ACER3: variants seen among roughly 807,000 people sequenced by gnomAD.
The protein encoded by ACER3 is alkCDase 3.
A neutral mutation model predicts 48.9 loss-of-function variants in ACER3; 16 were observed. The ratio of observed to expected loss-of-function variants is 0.33; its 90% CI spans 0.22 to 0.50. The LOEUF (loss-of-function observed/expected upper bound fraction) is 0.50. Among genes scored for constraint, ACER3 ranks in the 20% least tolerant of loss-of-function variants. The pLI is 0.98. For missense variants in ACER3, 227 were observed against 326.0 expected, an observed-to-expected ratio of 0.70 and a Z score of 2.34; for synonymous variants, 109 against 107.8, an observed-to-expected ratio of 1.01 and a Z score of -0.07.
chr11:76,959,833 C>A (rs1947941614), intron 3 of ACER3, among the ~76,000 whole-genome samples: 1 of 152,222 alleles, frequency 6.6e-6, no homozygotes, highest in East Asian at 1.9e-4. Context: ...AGATTACAAG[C>A]ATGAGCCACC....
chr11:77,019,967 A>G (rs1949444448), intron 10 of ACER3, among the ~76,000 whole-genome samples, 191 bp downstream of exon 10: 1 of 152,246 alleles, frequency 6.6e-6, no homozygotes, highest in Admixed American at 6.5e-5. Flanking sequence ...AGTTTCTTCA[A>G]CAATAAAATT....
At chr11:76,968,632 A>G (rs2135109367) in intron 3 of ACER3, among the ~76,000 whole-genome samples, 1 of 152,326 alleles carries the variant, frequency 6.6e-6, no homozygotes, top group Middle Eastern at 3.4e-3. Flanking sequence ...CCTCAGAAAT[A>G]ATGCCACATA....
chr11:76,900,704 C>G (rs1271583122), intron 1 of ACER3, among the ~76,000 whole-genome samples: 1 of 152,182 alleles, frequency 6.6e-6, no homozygotes, highest in Non-Finnish European at 1.5e-5. Context: ...GCCAGATTGT[C>G]TAATGTCAGT....
chr11:76,867,472 A>C, intron 1 of ACER3, among the ~76,000 whole-genome samples: 1 of 63,392 alleles, frequency 1.6e-5, no homozygotes, highest in Non-Finnish European at 4.4e-5. Flanking sequence ...CTGTCTCAAA[A>C]AAAAAAAAAA....
chr11:76,985,774 A>T (rs752426317), intron 5 of ACER3, 50 bp downstream of exon 5: 1 of 1,135,190 alleles, frequency 8.8e-7, no homozygotes, highest in East Asian at 2.7e-5. Flanking sequence ...TTCACCATTT[A>T]TGGAGTTTGA....
chr11:76,895,414 TG>T (rs1945903823), intron 1 of ACER3, among the ~76,000 whole-genome samples: 1 of 152,196 alleles, frequency 6.6e-6, no homozygotes, highest in South Asian at 2.1e-4. Flanking sequence ...TTTGTATTTT[TG>T]TTTAGGGCCA....
chr11:76,990,837 T>C (rs1948787022), intron 6 of ACER3, among the ~76,000 whole-genome samples: 1 of 152,290 alleles, frequency 6.6e-6, no homozygotes, highest in East Asian at 1.9e-4. Context: ...AACATTGCTA[T>C]TATAAGCAGA....
chr11:76,862,206 G>A (rs1944959423), intron 1 of ACER3, among the ~76,000 whole-genome samples: 1 of 151,866 alleles, frequency 6.6e-6, no homozygotes, highest in African/African-American at 2.4e-5. Context: ...AGGCATCTGT[G>A]CATGGCTTTG....
rs961374823 is a variant in ACER3, at chr11:76,860,967, C to T, written c.-10C>T. ...GAGCGGAGCGCCTGGGCGGCGGCGGCGGCGGCGTGATGGCTCCGGCCGCGG... is the reference window on the plus strand; with the variant it reads ...GAGCGGAGCGCCTGGGCGGCGGCGGTGGCGGCGTGATGGCTCCGGCCGCGG... On this transcript the variant is annotated 5_prime_UTR_variant, in exon 1 of 11. Transcript: ENST00000532485. 2.0e-6 allele frequency: 3 copies of T among 1,524,074 alleles called. No homozygotes were observed. The highest frequency in any genetic ancestry group is 2.8e-5 in the African/African-American group (2 of 71,554). 94.4% of individuals were successfully genotyped at this position (1,524,074 alleles called of 1,614,324 possible).
chr11:77,015,245 T>C (rs2135324440), intron 8 of ACER3, 128 bp downstream of exon 8: 1 of 602,804 alleles, frequency 1.7e-6, no homozygotes, highest in African/African-American at 1.9e-5. Context: ...TTAAAAGATA[T>C]ATACAGTATA....
At chr11:76,862,783 G>A (rs1015975665) in intron 1 of ACER3, among the ~76,000 whole-genome samples, 1 of 152,206 alleles carries the variant, frequency 6.6e-6, no homozygotes, top group African/African-American at 2.4e-5. Flanking sequence ...GGGGACAGAG[G>A]ACTTTCTGTC....
chr11:76,912,544 G>A (rs2134728903), intron 1 of ACER3, among the ~76,000 whole-genome samples: 1 of 147,036 alleles, frequency 6.8e-6, no homozygotes, highest in East Asian at 2.0e-4. Flanking sequence ...GTAATATTAT[G>A]TGATAATTTA....
intron 7 of ACER3, among the ~76,000 whole-genome samples, chr11:77,000,891 G>C (rs1298865936): frequency 6.6e-6 from 1 of 151,936 alleles, no homozygotes; most frequent in Non-Finnish European, 1.5e-5. Flanking sequence ...TAGCTATTCA[G>C]GTTCCTTTGC....
chr11:76,933,720 C>A (rs1453486631), intron 2 of ACER3, among the ~76,000 whole-genome samples: 1 of 152,248 alleles, frequency 6.6e-6, no homozygotes, highest in African/African-American at 2.4e-5. Context: ...ATTTCTCAAT[C>A]TTTTCCCCAC....
intron 1 of ACER3, among the ~76,000 whole-genome samples, chr11:76,903,105 T>C (rs944899387): frequency 6.6e-6 from 1 of 152,202 alleles, no homozygotes; most frequent in Admixed American, 6.5e-5. Flanking sequence ...TTTTTTATAT[T>C]TCCAAGCTAC....
At chr11:76,929,634 C>T (rs558102608) in intron 2 of ACER3, among the ~76,000 whole-genome samples, 1 of 152,276 alleles carries the variant, frequency 6.6e-6, no homozygotes, top group South Asian at 2.1e-4. Context: ...GAGATATGTC[C>T]CATCAGTACC....
At position 76,971,089 on chromosome 11, in the gene ACER3, A is replaced by G. The variant is rs80282894; in HGVS notation, c.268-5200A>G. Among the ~76,000 whole-genome samples the G allele has an allele frequency of 7.6e-3, 1,154 of 152,308 alleles. 7 individuals carry two copies. Among genetic ancestry groups the G allele is most frequent in the African/African-American group, 0.026 (1,087 of 41,562 alleles). On this transcript the variant is annotated intron_variant, in intron 3 of 10. Transcript: ENST00000532485. ...TAATATTCCATTGTATGGATATGCC[A>G]TATTCTTTTATCCACTTGTCAATTA...
intron 1 of ACER3, among the ~76,000 whole-genome samples, chr11:76,892,311 AC>A (rs1397437091): frequency 5.3e-5 from 8 of 152,054 alleles, no homozygotes; most frequent in African/African-American, 1.9e-4. Flanking sequence ...TTCATTATCT[AC>A]CCTGTGTTTT....
intron 2 of ACER3, among the ~76,000 whole-genome samples, chr11:76,945,043 T>C (rs1320112132): frequency 6.6e-6 from 1 of 152,058 alleles, no homozygotes; most frequent in East Asian, 1.9e-4. Context: ...AATGGATTTT[T>C]CATTTCCAGA....
Sources: allele counts gnomAD v4.1 joint callset (sites outside exome capture counted in the v4.1 genomes callset), GRCh38; gene constraint gnomAD v4.1.1; transcripts MANE v1.5; gene names NCBI Gene and HGNC (gene_info 2026-07-23, HGNC 2026-07-21).